The following PRRX2 variants were observed in gnomAD, a reference collection of about 807,000 sequenced individuals.
PRRX2 encodes the protein paired related homeobox 2, also known as paired mesoderm homeobox protein 2.
A neutral mutation model predicts 18.0 loss-of-function variants in PRRX2; 11 were observed. The ratio of observed to expected loss-of-function variants is 0.61; its 90% CI spans 0.39 to 1.01. The LOEUF (loss-of-function observed/expected upper bound fraction) is 1.01. PRRX2 is among the 50% of genes least tolerant of loss of function. The probability of loss-of-function intolerance (pLI) is 0.01; values close to 1 mark genes in which losing one functional copy is unlikely to be tolerated. For synonymous variants in PRRX2, 177 were observed against 154.8 expected (o/e 1.14, Z -1.06); for missense variants, 387 against 351.0 (o/e 1.10, Z -0.82).
intron 2 of PRRX2, 40 bp downstream of exon 2, chr9:129,719,458 G>A: frequency 1.4e-6 from 2 of 1,453,592 alleles, no homozygotes; most frequent in Non-Finnish European, 1.8e-6. Context: ...GAGCGTGCGC[G>A]TGGGAGCGCA....
intron 1 of PRRX2, among the ~76,000 whole-genome samples, chr9:129,696,854 CTT>C (rs1189357414): frequency 6.6e-6 from 1 of 152,264 alleles, no homozygotes; most frequent in South Asian, 2.1e-4. Flanking sequence ...GTGAAGGTGA[CTT>C]TGAGTTCCAG....
At chr9:129,697,832 C>A (rs925166448) in intron 1 of PRRX2, among the ~76,000 whole-genome samples, 2 of 152,106 alleles carry the variant, frequency 1.3e-5, no homozygotes, top group Non-Finnish European at 2.9e-5. Flanking sequence ...TCCCCGCCCC[C>A]CGAAGTTTGT....
intron 1 of PRRX2, among the ~76,000 whole-genome samples, chr9:129,696,807 T>A (rs557452294): frequency 1.1e-4 from 16 of 147,048 alleles, no homozygotes; most frequent in African/African-American, 3.4e-4. Context: ...GCAGAGGGGG[T>A]CCCTGACAGA....
At chr9:129,714,351 C>T (rs896294338) in intron 1 of PRRX2, among the ~76,000 whole-genome samples, 12 of 149,304 alleles carry the variant, frequency 8.0e-5, no homozygotes, top group African/African-American at 2.7e-4. Context: ...TGCAGTGAGC[C>T]GAGATCGCAC....
At chr9:129,699,472 T>C (rs909219962) in intron 1 of PRRX2, among the ~76,000 whole-genome samples, 10 of 151,202 alleles carry the variant, frequency 6.6e-5, no homozygotes, top group Non-Finnish European at 1.0e-4. Context: ...TGTGTGTGTG[T>C]ATACATATAT....
intron 1 of PRRX2, among the ~76,000 whole-genome samples, chr9:129,700,676 G>A (rs1246132476): frequency 2.6e-5 from 4 of 151,942 alleles, no homozygotes; most frequent in African/African-American, 9.7e-5. Flanking sequence ...GGAGTGCAGT[G>A]GCACAATTGT....
chr9:129,722,536 C>G lies in PRRX2; in HGVS notation c.*184C>G. The stretch of plus-strand genomic sequence containing the variant: ...GGCCCAGCTCTTCTGTCCTTGGCCA[C>G]CAGAGACTGCAGCCCACAACCCTTG... On this transcript the variant is annotated 3_prime_UTR_variant, in exon 4 of 4. Transcript: ENST00000372469. 1 of 556,154 alleles carries G rather than the reference C, an allele frequency of 1.8e-6. No individual in the cohort carries two copies. The highest frequency in any genetic ancestry group is 2.7e-6 in the Non-Finnish European group (1 of 371,480). 34.5% of individuals were successfully genotyped at this position (556,154 alleles called of 1,614,324 possible).
At chr9:129,714,197 C>T (rs538442310) in intron 1 of PRRX2, among the ~76,000 whole-genome samples, 3 of 151,688 alleles carry the variant, frequency 2.0e-5, no homozygotes, top group African/African-American at 7.2e-5. Context: ...CCCAGCTACT[C>T]GAGAGGCTGA....
intron 1 of PRRX2, among the ~76,000 whole-genome samples, chr9:129,698,896 A>G (rs1182700466): frequency 6.6e-6 from 1 of 152,182 alleles, no homozygotes; most frequent in African/African-American, 2.4e-5. Context: ...GGCTCAGGAA[A>G]CAAGGTGGTT....
rs930633956 is a variant in PRRX2 at position 129,671,250 on chromosome 9, C to T, written c.259+5124C>T. ...GAGGAGTGAGTGAGAGGCTGAGTGCCCAGGGGGCCTTCCGTTTGGGAACTG... is the reference window on the plus strand; with the variant it reads ...GAGGAGTGAGTGAGAGGCTGAGTGCTCAGGGGGCCTTCCGTTTGGGAACTG... On this transcript the variant is annotated intron_variant, in intron 1 of 3. Coordinates refer to ENST00000372469, the MANE Select transcript of PRRX2 (RefSeq NM_016307.4). This position sits in a 1 kb window ranked among gnomAD's most constrained non-coding sequence, Gnocchi z 4.0. Among the ~76,000 whole-genome samples the T allele has an allele frequency of 5.3e-5, 8 of 152,170 alleles. No homozygotes were observed. Among genetic ancestry groups the T allele is most frequent in the African/African-American group, 1.9e-4 (8 of 41,434 alleles).
chr9:129,681,959 G>A (rs149807177), intron 1 of PRRX2, among the ~76,000 whole-genome samples: 31 of 152,172 alleles, frequency 2.0e-4, no homozygotes, highest in African/African-American at 4.3e-4. Context: ...GACTGGAAGC[G>A]TATGGGCTGC....
At chr9:129,708,882 T>G (rs1832586665) in intron 1 of PRRX2, among the ~76,000 whole-genome samples, 1 of 152,212 alleles carries the variant, frequency 6.6e-6, no homozygotes, top group South Asian at 2.1e-4. Context: ...GATACAGCAT[T>G]GACAAGGAAA....
intron 1 of PRRX2, among the ~76,000 whole-genome samples, chr9:129,676,829 C>T (rs1195753483): frequency 6.6e-6 from 1 of 152,150 alleles, no homozygotes; most frequent in Non-Finnish European, 1.5e-5. Flanking sequence ...GGGGCTCTGT[C>T]CTCAAACCTG....
intron 1 of PRRX2, among the ~76,000 whole-genome samples, chr9:129,694,538 A>G (rs905747216): frequency 1.3e-5 from 2 of 151,966 alleles, no homozygotes; most frequent in African/African-American, 4.8e-5. Context: ...TCCTGGGGAG[A>G]AGGTGAAGGG....
intron 2 of PRRX2, among the ~76,000 whole-genome samples, chr9:129,720,163 G>C (rs888479574): frequency 1.4e-5 from 2 of 147,472 alleles, no homozygotes; most frequent in African/African-American, 5.0e-5. Flanking sequence ...CTCAGCAAGC[G>C]CCTCTCCCCG....
chr9:129,697,860 T>A (rs1832447086), intron 1 of PRRX2, among the ~76,000 whole-genome samples: 1 of 151,748 alleles, frequency 6.6e-6, no homozygotes, highest in Non-Finnish European at 1.5e-5. Flanking sequence ...AGTTTGTGCG[T>A]AAGATTTTTC....
rs1005710335 is a variant in PRRX2, at chr9:129,715,020, C to T, written c.260-4211C>T. Among the ~76,000 whole-genome samples, 6 of 152,260 alleles carry T rather than the reference C, an allele frequency of 3.9e-5. No homozygotes were observed. The highest frequency in any genetic ancestry group is 1.4e-4 in the African/African-American group (6 of 41,534). ...GGTGGTGGGGGTGGAAAGACATTCA[C>T]AGGCAGCAGACATTCTCATCCATCC... On this transcript the variant is annotated intron_variant, in intron 1 of 3. Transcript: ENST00000372469. The surrounding 1 kb of genome is among the most constrained non-coding windows in gnomAD (Gnocchi z 4.0).
In PRRX2 at chr9:129,694,217, C is replaced by T. The variant is rs771743729; in HGVS notation, c.260-25014C>T. Among the ~76,000 whole-genome samples the T allele has an allele frequency of 6.6e-5, 10 of 152,276 alleles. No individual in the cohort carries two copies. In the South Asian group the frequency reaches 8.3e-4, roughly 13 times the overall value. On this transcript the variant is annotated intron_variant, in intron 1 of 3. Transcript: ENST00000372469. ...TCCCTCTGTGGCCCAGGCTGGAGTGCGGTGGCCTGATCCTGGCTCACTGCA... is the reference window on the plus strand; with the variant it reads ...TCCCTCTGTGGCCCAGGCTGGAGTGTGGTGGCCTGATCCTGGCTCACTGCA...
At chr9:129,708,894 C>T (rs180726710) in intron 1 of PRRX2, among the ~76,000 whole-genome samples, 10 of 152,316 alleles carry the variant, frequency 6.6e-5, no homozygotes, top group African/African-American at 2.4e-4. Flanking sequence ...ACAAGGAAAA[C>T]CCAGGCCCTG....
Sources: gnomAD v4.1 joint callset for allele counts (sites outside exome capture counted in the v4.1 genomes callset) on GRCh38, gnomAD v4.1.1 for gene constraint, Gnocchi (gnomAD v3.1) non-coding constraint, MANE v1.5 for transcripts, NCBI Gene and HGNC (gene_info 2026-07-23, HGNC 2026-07-21) for gene names.